UBR3: variants seen among roughly 807,000 people sequenced by gnomAD.
UBR3 encodes E3 ubiquitin-protein ligase UBR3.
A neutral mutation model predicts 243.2 loss-of-function variants in UBR3; 85 were observed. The ratio of observed to expected loss-of-function variants is 0.35; its 90% CI spans 0.29 to 0.42. The LOEUF (loss-of-function observed/expected upper bound fraction) is 0.42. Ranked by LOEUF, UBR3 falls within the 10% of genes least tolerant of loss-of-function variation. The pLI, the probability that UBR3 is intolerant of heterozygous loss-of-function variation, is 1.00. For missense variants in UBR3, 1,686 were observed against 2,300.8 expected (o/e 0.73, Z 5.47); for synonymous variants, 748 against 799.8 (o/e 0.94, Z 1.09).
chr2:170,080,728 G>T (rs1312988288), intron 38 of UBR3, 44 bp downstream of exon 38: 1 of 1,591,386 alleles, frequency 6.3e-7, no homozygotes, highest in Admixed American at 1.8e-5. Flanking sequence ...TTGAAATTTG[G>T]TCAGTGAAAA....
intron 25 of UBR3, among the ~76,000 whole-genome samples, chr2:169,989,651 A>C (rs2089187802): frequency 6.6e-6 from 1 of 152,198 alleles, no homozygotes; most frequent in Non-Finnish European, 1.5e-5. Context: ...TCTGAGATAC[A>C]GATTACACAG....
At chr2:170,071,197 A>G (rs1280633640) in intron 35 of UBR3, among the ~76,000 whole-genome samples, 1 of 152,218 alleles carries the variant, frequency 6.6e-6, no homozygotes, top group Non-Finnish European at 1.5e-5. Context: ...TATGCTTACT[A>G]TACAACCCAG....
At chr2:169,835,720 C>T (rs530924034) in intron 1 of UBR3, among the ~76,000 whole-genome samples, 13 of 152,190 alleles carry the variant, frequency 8.5e-5, no homozygotes, top group Admixed American at 3.9e-4. Context: ...GGATTACAGG[C>T]GTGAGCCACC....
chr2:169,862,162 T>C (rs1388763333), intron 1 of UBR3, among the ~76,000 whole-genome samples: 2 of 152,218 alleles, frequency 1.3e-5, no homozygotes, highest in South Asian at 2.1e-4. Flanking sequence ...TTTCAAGTTT[T>C]CTGATCTTAT....
chr2:170,080,208 A>T, intron 37 of UBR3, 185 bp downstream of exon 37: 1 of 626,650 alleles, frequency 1.6e-6, no homozygotes. Flanking sequence ...TAAGTGAGTA[A>T]ATCCTTCCTT....
chr2:169,849,227 C>T (rs2082582571), intron 1 of UBR3, among the ~76,000 whole-genome samples: 1 of 152,168 alleles, frequency 6.6e-6, no homozygotes, highest in South Asian at 2.1e-4. Flanking sequence ...GAGGGCCCTG[C>T]ACTACTGGGC....
rs2086949559 is a variant in UBR3, at chr2:169,950,023, A to C, written c.3503A>C (p.Lys1168Thr). Reference protein sequence around the residue: ...RKVTPPVPPKKVTAAEKKTLD... With the variant: ...RKVTPPVPPKTVTAAEKKTLD... ...GTGACCCCTCCTGTACCACCTAAAA[A>C]AGTCACTGCAGCAGAGAAGAAAACA... is the stretch of plus-strand genomic sequence containing the variant. Residue 1168 changes from lysine to threonine, a missense_variant, in exon 23 of 39, where the codon AAA (lysine) becomes ACA (threonine). Physicochemically the swap from Lys to Thr is moderately conservative, Grantham distance 78. Coordinates refer to ENST00000272793, the MANE Select transcript of UBR3 (RefSeq NM_172070.4). 1 of 1,587,986 alleles carries C rather than the reference A, an allele frequency of 6.3e-7. No homozygotes were observed. Among genetic ancestry groups the C allele is most frequent in the Non-Finnish European group, 8.5e-7 (1 of 1,170,674 alleles).
Position 170,040,797 on chromosome 2 carries a change from T to C in UBR3, c.4557-85T>C, listed in dbSNP as rs575843966. The C allele has an allele frequency of 2.6e-5, 27 of 1,029,018 alleles. No individual in the cohort carries two copies. In the African/African-American group the frequency reaches 3.1e-4, roughly 12 times the overall value. The allele number at this position is 1,029,018 out of a possible 1,614,324, so 63.7% of individuals were successfully genotyped here. A position where few individuals can be genotyped will look rare whatever the true frequency, so the allele number is the denominator to read the frequency against. ...TGTGTATTAAAGTTTTTATTTCTGT[T>C]CCATAGATATATATGTGACATATAA... On this transcript the variant is annotated intron_variant, in intron 31 of 38. Coordinates refer to ENST00000272793, the MANE Select transcript of UBR3 (RefSeq NM_172070.4).
intron 32 of UBR3, among the ~76,000 whole-genome samples, chr2:170,042,005 G>A (rs527841915): frequency 3.3e-5 from 5 of 151,462 alleles, no homozygotes; most frequent in African/African-American, 1.2e-4. Context: ...TACAACTGAA[G>A]TGCCATTTAG....
In UBR3 at chr2:169,829,258, C is replaced by T. The variant is rs111549254; in HGVS notation, c.545+1206C>T. ...ATGAAACATTGACCAACCCCTTACT[C>T]TACTTGCACTGGAGTAGAAAGTAAT... On this transcript the variant is annotated intron_variant, in intron 1 of 38. Transcript: ENST00000272793. Among the ~76,000 whole-genome samples, 675 of 152,278 alleles carry T rather than the reference C, an allele frequency of 4.4e-3. 1 individual carries two copies. The highest frequency in any genetic ancestry group is 0.015 in the African/African-American group (609 of 41,546).
intron 35 of UBR3, among the ~76,000 whole-genome samples, chr2:170,071,571 C>CTA (rs200557572): frequency 0.012 from 1,776 of 152,232 alleles, 49 homozygotes; most frequent in African/African-American, 0.039. Context: ...ATTCATTAAA[C>CTA]TATACATAAA....
chr2:170,003,680 G>C (rs1441595878), intron 27 of UBR3, among the ~76,000 whole-genome samples: 1 of 151,672 alleles, frequency 6.6e-6, no homozygotes, highest in Non-Finnish European at 1.5e-5. Context: ...CTCACTCTGT[G>C]CCCAGGCTGG....
At position 170,047,111 on chromosome 2, in the gene UBR3, C is replaced by G. The variant is rs540503839; in HGVS notation, c.4660+6126C>G. Among the ~76,000 whole-genome samples the G allele has an allele frequency of 2.0e-3, 304 of 152,230 alleles. 1 individual carries two copies. The highest frequency in any genetic ancestry group is 7.1e-3 in the African/African-American group (296 of 41,516). Reference sequence around the variant, plus strand: ...CTGGGCTCAAGCAGTCCTCCTGCCTCAGACTCCCCATGTAGTTGGGACCAC... The same window carrying G: ...CTGGGCTCAAGCAGTCCTCCTGCCTGAGACTCCCCATGTAGTTGGGACCAC... On this transcript the variant is annotated intron_variant, in intron 32 of 38. Transcript: ENST00000272793.
At position 169,891,325 on chromosome 2, in the gene UBR3, A is replaced by G. The variant is rs576118398; in HGVS notation, c.1105+94A>G. On this transcript the variant is annotated intron_variant, in intron 6 of 38. Transcript: ENST00000272793. ...TACTTGATGGGCTAGCCATACTGAC[A>G]TCAAAGCTGTTTGAAGGGAGGCTTA... is the stretch of plus-strand genomic sequence containing the variant. The G allele has an allele frequency of 9.7e-5, 87 of 897,730 alleles. No homozygotes were observed. In the African/African-American group the frequency reaches 1.2e-3, roughly 13 times the overall value. The allele number at this position is 897,730 out of a possible 1,614,324, so 55.6% of individuals were successfully genotyped here. A position where few individuals can be genotyped will look rare whatever the true frequency, so the allele number is the denominator to read the frequency against.
intron 24 of UBR3, among the ~76,000 whole-genome samples, chr2:169,983,610 A>C (rs1314707009): frequency 2.0e-5 from 3 of 152,044 alleles, no homozygotes; most frequent in African/African-American, 7.2e-5. Context: ...ATATTCAAGG[A>C]GTGGGGAAAT....
chr2:169,960,213 C>T (rs1171207915), intron 24 of UBR3, among the ~76,000 whole-genome samples: 2 of 136,412 alleles, frequency 1.5e-5, no homozygotes, highest in African/African-American at 2.8e-5. Context: ...CATGCCATTG[C>T]ACTGCAGCCT....
chr2:170,047,680 T>C (rs1275495962), intron 32 of UBR3, among the ~76,000 whole-genome samples: 1 of 152,220 alleles, frequency 6.6e-6, no homozygotes, highest in Non-Finnish European at 1.5e-5. Flanking sequence ...TCTGTGGTTT[T>C]TGTTACCAGT....
chr2:170,047,204 T>C (rs551006897), intron 32 of UBR3, among the ~76,000 whole-genome samples: 172 of 149,950 alleles, frequency 1.1e-3, no homozygotes, highest in African/African-American at 4.1e-3. Flanking sequence ...GGGGGGGGGG[T>C]CTCACTTTGT....
At chr2:169,893,706 C>T (rs1175468456) in intron 6 of UBR3, among the ~76,000 whole-genome samples, 1 of 152,084 alleles carries the variant, frequency 6.6e-6, no homozygotes, top group Admixed American at 6.6e-5. Context: ...GGACTACAGG[C>T]GCATGCCACC....
Sources: gnomAD v4.1 joint callset for allele counts (sites outside exome capture counted in the v4.1 genomes callset) on GRCh38, gnomAD v4.1.1 for gene constraint, MANE v1.5 for transcripts, NCBI Gene and HGNC (gene_info 2026-07-23, HGNC 2026-07-21) for gene names.